ATAD3A: variants seen among roughly 807,000 people sequenced by gnomAD.
ATAD3A encodes ATPase family AAA domain-containing protein 3A.
Under a neutral mutation model 73.8 loss-of-function variants are expected in ATAD3A, and 46 were observed. That is an observed-to-expected ratio of 0.62 (90% CI 0.49 to 0.80). The LOEUF (loss-of-function observed/expected upper bound fraction) is 0.80. ATAD3A is among the 30% of genes least tolerant of loss of function. ATAD3A has a pLI of 0.00. For synonymous variants in ATAD3A, 319 were observed against 350.0 expected (o/e 0.91, Z 0.99); for missense variants, 705 against 838.0 (o/e 0.84, Z 1.96).
At position 1,520,983 on chromosome 1, in the gene ATAD3A, C is replaced by G. The variant is rs1298077185; in HGVS notation, c.750+366C>G. Among the ~76,000 whole-genome samples, 1 of 151,932 alleles carries G rather than the reference C, an allele frequency of 6.6e-6. No homozygotes were observed. Among genetic ancestry groups the G allele is most frequent in the Non-Finnish European group, 1.5e-5 (1 of 67,988 alleles). ...TCGCAGCACTGCACTCCATCCTGGG[C>G]GACAAAGTCCTTGTCTCAAGAAAAA... On this transcript the variant is annotated intron_variant, in intron 7 of 15. Coordinates refer to ENST00000378756, the MANE Select transcript of ATAD3A (RefSeq NM_001170535.3). This position sits in a 1 kb window ranked among gnomAD's most constrained non-coding sequence, Gnocchi z 4.0.
At position 1,518,295 on chromosome 1, in the gene ATAD3A, CACA is replaced by C. The variant is rs1435571144; in HGVS notation, c.444+521_444+523del. Among the ~76,000 whole-genome samples, 22 of 115,318 alleles carry C rather than the reference CACA, an allele frequency of 1.9e-4. No individual in the cohort carries two copies. In the South Asian group the frequency reaches 6.8e-3, roughly 36 times the overall value. 75.7% of individuals were successfully genotyped at this position (115,318 alleles called of 152,430 possible). ...CCACACACAGGTACGTACCCCCCCA[CACA>C]CACACAGGCGCACACATACCCCCCA... On this transcript the variant is annotated intron_variant, in intron 4 of 15. Coordinates refer to ENST00000378756, the MANE Select transcript of ATAD3A (RefSeq NM_001170535.3).
In ATAD3A at chr1:1,525,006, C is replaced by G. The variant is rs115433223; in HGVS notation, c.1215-234C>G. On this transcript the variant is annotated intron_variant, in intron 11 of 15. Coordinates refer to ENST00000378756, the MANE Select transcript of ATAD3A (RefSeq NM_001170535.3). ...GGGGTGAAGCCTGTGGGGCGGAGTT[C>G]GTCGCCCCCGTGTGTGGTTGGTTTC... Among the ~76,000 whole-genome samples the G allele has an allele frequency of 6.9e-3, 1,047 of 152,294 alleles. 14 individuals carry two copies. The highest frequency in any genetic ancestry group is 0.024 in the African/African-American group (989 of 41,550).
At chr1:1,524,715 C>T (rs571520716) in intron 11 of ATAD3A, among the ~76,000 whole-genome samples, 8 of 139,836 alleles carry the variant, frequency 5.7e-5, no homozygotes, top group Middle Eastern at 3.5e-3. Flanking sequence ...CCCCCCAACA[C>T]GCCTGCAGGT....
At chr1:1,512,587 CTGCGCCCCCGG>C in intron 1 of ATAD3A, 114 bp downstream of exon 1, 5 of 1,404,556 alleles carry the variant, frequency 3.6e-6, no homozygotes, top group African/African-American at 3.0e-5. Flanking sequence ...CCGGGCGAGA[CTGCGCCCCCGG>C]AGCACCCCCG....
intron 4 of ATAD3A, among the ~76,000 whole-genome samples, chr1:1,518,532 A>C (rs1235681975): frequency 1.2e-5 from 1 of 85,258 alleles, no homozygotes. Flanking sequence ...CACAGACCCC[A>C]CACACACATA....
At chr1:1,519,126 G>A (rs1465033922) in intron 5 of ATAD3A, 136 bp downstream of exon 5, 8 of 1,549,122 alleles carry the variant, frequency 5.2e-6, no homozygotes, top group East Asian at 4.6e-5. Context: ...CTGGGGCTCC[G>A]CGGGGTGGGG....
intron 3 of ATAD3A, 67 bp downstream of exon 3, chr1:1,517,479 A>G (rs1641399809): frequency 3.1e-6 from 4 of 1,298,108 alleles, no homozygotes; most frequent in Non-Finnish European, 4.1e-6. Context: ...CAGGACTGGG[A>G]GCTGGGTGTG....
intron 12 of ATAD3A, 126 bp from the exon 13 acceptor site, chr1:1,526,335 G>A: frequency 6.4e-7 from 1 of 1,554,300 alleles, no homozygotes; most frequent in East Asian, 2.3e-5. Flanking sequence ...AGGCTTTTGA[G>A]AGTAGATCCA....
At chr1:1,521,617 G>A (rs1263942182) in intron 7 of ATAD3A, among the ~76,000 whole-genome samples, 1 of 152,268 alleles carries the variant, frequency 6.6e-6, no homozygotes, top group Non-Finnish European at 1.5e-5. Flanking sequence ...GTGTGACGGT[G>A]AATGTTGCAG....
At chr1:1,516,349 G>C (rs1570320717) in intron 2 of ATAD3A, among the ~76,000 whole-genome samples, 1 of 152,126 alleles carries the variant, frequency 6.6e-6, no homozygotes, top group Non-Finnish European at 1.5e-5. Flanking sequence ...TGGTGAGGGC[G>C]TCTGGTCGTC....
At chr1:1,521,317 A>C (rs960158065) in intron 7 of ATAD3A, among the ~76,000 whole-genome samples, 8 of 150,830 alleles carry the variant, frequency 5.3e-5, no homozygotes, top group African/African-American at 1.5e-4. Flanking sequence ...AAAAAAAAAA[A>C]AAAAAAAAAA....
chr1:1,517,144 C>T (rs918005233), intron 2 of ATAD3A, 167 bp from the exon 3 acceptor site: 4 of 1,548,416 alleles, frequency 2.6e-6, no homozygotes, highest in Admixed American at 2.0e-5. Context: ...CTGGATTCCT[C>T]CAGGGCCTGA....
chr1:1,531,439 G>A (rs763109381), intron 15 of ATAD3A, among the ~76,000 whole-genome samples: 3 of 144,286 alleles, frequency 2.1e-5, no homozygotes, highest in Non-Finnish European at 4.6e-5. Context: ...AACACAGTGA[G>A]ACTCCATCCC....
intron 15 of ATAD3A, among the ~76,000 whole-genome samples, chr1:1,529,563 C>T (rs542325610): frequency 8.5e-5 from 13 of 152,332 alleles, no homozygotes; most frequent in South Asian, 2.1e-4. Context: ...GACAGTCACC[C>T]GGGGCTCTCT....
chr1:1,534,542 G>C lies in ATAD3A; in HGVS notation c.*470G>C. On this transcript the variant is annotated 3_prime_UTR_variant, in exon 16 of 16. Coordinates refer to ENST00000378756, the MANE Select transcript of ATAD3A (RefSeq NM_001170535.3). The stretch of plus-strand genomic sequence containing the variant: ...CTTCCCCCTGTGGCCGGCATGCCCC[G>C]ATCTTTCACACACTGGTGACCCTGA... 1 of 418,894 alleles carries C rather than the reference G, an allele frequency of 2.4e-6. No individual in the cohort carries two copies. The allele number at this position is 418,894 out of a possible 1,614,324, so 25.9% of individuals were successfully genotyped here. A position where few individuals can be genotyped will look rare whatever the true frequency, so the allele number is the denominator to read the frequency against.
intron 11 of ATAD3A, among the ~76,000 whole-genome samples, 161 bp downstream of exon 11, chr1:1,524,558 C>G (rs1314867843): frequency 7.7e-6 from 1 of 130,478 alleles, no homozygotes; most frequent in Admixed American, 7.4e-5. Context: ...AGGGAAAGTC[C>G]CCTGAGTGTG....
chr1:1,515,186 TC>T (rs1204254394), intron 1 of ATAD3A, among the ~76,000 whole-genome samples: 15 of 152,316 alleles, frequency 9.8e-5, no homozygotes, highest in African/African-American at 3.6e-4. Context: ...CAAGCCATCC[TC>T]CCACCTCAGC....
chr1:1,521,874 C>A (rs550872377), intron 7 of ATAD3A, among the ~76,000 whole-genome samples: 7 of 151,654 alleles, frequency 4.6e-5, no homozygotes, highest in African/African-American at 1.7e-4. Flanking sequence ...TAATATAGGC[C>A]TGTGCCACCA....
At chr1:1,522,554 G>T (rs1641635902) in intron 7 of ATAD3A, among the ~76,000 whole-genome samples, 190 bp from the exon 8 acceptor site, 1 of 152,240 alleles carries the variant, frequency 6.6e-6, no homozygotes, top group African/African-American at 2.4e-5. Context: ...CGCTGTGACT[G>T]CCCCACCTGC....
Sources: gnomAD v4.1 joint callset for allele counts (sites outside exome capture counted in the v4.1 genomes callset) on GRCh38, gnomAD v4.1.1 for gene constraint, Gnocchi (gnomAD v3.1) non-coding constraint, MANE v1.5 for transcripts, NCBI Gene and HGNC (gene_info 2026-07-23, HGNC 2026-07-21) for gene names.